Variants in CYP4F22 observed in about 807,000 individuals in gnomAD.
CYP4F22 encodes cytochrome P450 family 4 subfamily F member 22, also known as ultra-long-chain fatty acid omega-hydroxylase.
A neutral mutation model predicts 60.4 loss-of-function variants in CYP4F22; 37 were observed. The observed-to-expected ratio is 0.61, with a 90% CI of 0.47 to 0.81. The LOEUF (loss-of-function observed/expected upper bound fraction) is 0.81, where lower values mean the gene tolerates loss of function less well. Ranked by LOEUF, CYP4F22 falls within the 30% of genes least tolerant of loss-of-function variation. The pLI is 0.00. For synonymous variants in CYP4F22, 258 were observed against 280.5 expected, an observed-to-expected ratio of 0.92 and a Z score of 0.80; for missense variants, 655 against 715.0, an observed-to-expected ratio of 0.92 and a Z score of 0.96.
chr19:15,549,132 C>G lies in CYP4F22; in HGVS notation c.1271-6C>G. On this transcript the variant is annotated splice_region_variant and splice_polypyrimidine_tract_variant and intron_variant, in intron 11 of 13. Coordinates refer to ENST00000269703, the MANE Select transcript of CYP4F22 (RefSeq NM_173483.4). ...TTGGCCCCACTGATCCCATCTTTCC[C>G]CACAGGAATCATCTGCTTGGTCAGC... The G allele has an allele frequency of 6.2e-7, 1 of 1,614,006 alleles. No individual in the cohort carries two copies. The highest frequency in any genetic ancestry group is 1.1e-5 in the South Asian group (1 of 91,082).
chr19:15,527,991 G>C (rs1018135094), intron 3 of CYP4F22, among the ~76,000 whole-genome samples: 1 of 152,204 alleles, frequency 6.6e-6, no homozygotes, highest in African/African-American at 2.4e-5. Flanking sequence ...AGCAGGTGAG[G>C]AAGTGCAGTT....
rs1444678531 is a variant in CYP4F22, at chr19:15,551,901, C to CG, written c.*430_*431insG. The CG allele has an allele frequency of 5.5e-6, 1 of 181,540 alleles. No individual in the cohort carries two copies. The highest frequency in any genetic ancestry group is 2.4e-5 in the African/African-American group (1 of 41,806). The allele number at this position is 181,540 out of a possible 1,614,324, so 11.2% of individuals were successfully genotyped here. A position where few individuals can be genotyped will look rare whatever the true frequency, so the allele number is the denominator to read the frequency against. ...AGGGCCCACCACACCCCACCCCCCC[C>CG]CAACTGGCTGAACCCCTGGCAGGCT... is the stretch of plus-strand genomic sequence containing the variant. On this transcript the variant is annotated 3_prime_UTR_variant, in exon 14 of 14. Transcript: ENST00000269703.
At chr19:15,536,806 C>T (rs1234241166) in intron 4 of CYP4F22, among the ~76,000 whole-genome samples, 1 of 152,144 alleles carries the variant, frequency 6.6e-6, no homozygotes, top group Admixed American at 6.5e-5. Flanking sequence ...GGTTTCAATG[C>T]CAGGCTGAGC....
intron 1 of CYP4F22, among the ~76,000 whole-genome samples, chr19:15,522,630 A>G (rs1483626477): frequency 6.6e-6 from 1 of 152,172 alleles, no homozygotes; most frequent in Non-Finnish European, 1.5e-5. Flanking sequence ...GAGCCGTGAT[A>G]GTACTCTTTA....
chr19:15,538,133 C>A, intron 7 of CYP4F22, 140 bp downstream of exon 7: 1 of 1,169,758 alleles, frequency 8.5e-7, no homozygotes, highest in Non-Finnish European at 1.2e-6. Context: ...TTCCGGGAAA[C>A]TGACCATCTC....
intron 7 of CYP4F22, among the ~76,000 whole-genome samples, 162 bp downstream of exon 7, chr19:15,538,155 C>G (rs1036435013): frequency 2.6e-4 from 39 of 149,216 alleles, no homozygotes; most frequent in African/African-American, 9.1e-4. Flanking sequence ...CTGAGCTTCA[C>G]TTTTTTTTTT....
intron 1 of CYP4F22, among the ~76,000 whole-genome samples, chr19:15,509,966 T>C (rs1006684347): frequency 7.6e-6 from 1 of 130,908 alleles, no homozygotes; most frequent in Non-Finnish European, 1.6e-5. Context: ...CTCTCTCTCT[T>C]TCTTTCTTTC....
intron 1 of CYP4F22, among the ~76,000 whole-genome samples, chr19:15,513,361 A>G (rs1424786600): frequency 8.2e-6 from 1 of 121,286 alleles, no homozygotes; most frequent in Non-Finnish European, 1.6e-5. Context: ...ATATATATAT[A>G]TTTTTTTTTT....
At chr19:15,520,423 T>C (rs1007941764) in intron 1 of CYP4F22, among the ~76,000 whole-genome samples, 2 of 144,790 alleles carry the variant, frequency 1.4e-5, no homozygotes, top group Admixed American at 1.4e-4. Context: ...TGAGACGGAG[T>C]TTTGCTCTTG....
intron 7 of CYP4F22, among the ~76,000 whole-genome samples, chr19:15,538,264 A>G (rs762538547): frequency 7.2e-5 from 11 of 152,162 alleles, no homozygotes; most frequent in Non-Finnish European, 1.5e-4. Context: ...GTAGGTGCTT[A>G]GTAAATGTTA....
At chr19:15,538,125 C>T in intron 7 of CYP4F22, 132 bp downstream of exon 7, 1 of 1,264,766 alleles carries the variant, frequency 7.9e-7, no homozygotes, top group Non-Finnish European at 1.1e-6. Flanking sequence ...CCATGTGCTT[C>T]CGGGAAACTG....
At chr19:15,532,718 C>T (rs73929925) in intron 4 of CYP4F22, among the ~76,000 whole-genome samples, 12 of 152,042 alleles carry the variant, frequency 7.9e-5, no homozygotes, top group Non-Finnish European at 1.6e-4. Context: ...TCTCCTCCCC[C>T]TCAGAGCATC....
chr19:15,529,774 C>G lies in CYP4F22; in HGVS notation c.288C>G (p.Leu96=), dbSNP rs1166258989. The change falls in exon 4 of 14, where the codon CTC becomes CTG. Residue 96 remains leucine (L), a synonymous_variant. Transcript: ENST00000269703. ...KKVLDNMHHV[L]LVWMGPVLPL... ...TACTGGACAACATGCACCATGTACTCTTGGTATGGATGGGACCTGTCCTGC... is the reference window on the plus strand; with the variant it reads ...TACTGGACAACATGCACCATGTACTGTTGGTATGGATGGGACCTGTCCTGC... 2 of 1,614,122 alleles carry G rather than the reference C, an allele frequency of 1.2e-6. No homozygotes were observed. Among genetic ancestry groups the G allele is most frequent in the Non-Finnish European group, 8.5e-7 (1 of 1,180,020 alleles).
intron 1 of CYP4F22, chr19:15,515,453 G>A (rs1224749532): frequency 7.7e-6 from 7 of 903,572 alleles, no homozygotes; most frequent in Non-Finnish European, 1.8e-6. Flanking sequence ...GGCCAGGCAC[G>A]GTGGCTCACG....
intron 1 of CYP4F22, among the ~76,000 whole-genome samples, chr19:15,510,962 A>ATT (rs1386770988): frequency 6.1e-5 from 7 of 114,572 alleles, no homozygotes; most frequent in East Asian, 2.5e-4. Flanking sequence ...ATATATATAT[A>ATT]TATATTTTTT....
At chr19:15,529,168 G>C (rs1008196425) in intron 3 of CYP4F22, among the ~76,000 whole-genome samples, 1 of 147,956 alleles carries the variant, frequency 6.8e-6, no homozygotes, top group Admixed American at 6.8e-5. Flanking sequence ...TGCTCTTGTC[G>C]TCCAGGCTGG....
At chr19:15,544,083 T>G (rs1326627895) in intron 9 of CYP4F22, 46 bp downstream of exon 9, 6 of 1,614,004 alleles carry the variant, frequency 3.7e-6, no homozygotes, top group Non-Finnish European at 5.1e-6. Flanking sequence ...AGGGACATCA[T>G]TGTCTGTAGA....
At chr19:15,538,129 G>A in intron 7 of CYP4F22, 136 bp downstream of exon 7, 1 of 1,220,942 alleles carries the variant, frequency 8.2e-7, no homozygotes, top group Non-Finnish European at 1.2e-6. Flanking sequence ...GTGCTTCCGG[G>A]AAACTGACCA....
intron 3 of CYP4F22, among the ~76,000 whole-genome samples, chr19:15,527,064 G>C (rs566020538): frequency 6.6e-6 from 1 of 152,180 alleles, no homozygotes; most frequent in Admixed American, 6.5e-5. Flanking sequence ...AGATAGGCTG[G>C]ACTTTCCCTT....
Sources: gnomAD v4.1 joint callset for allele counts (sites outside exome capture counted in the v4.1 genomes callset) on GRCh38, gnomAD v4.1.1 for gene constraint, MANE v1.5 for transcripts, NCBI Gene and HGNC (gene_info 2026-07-23, HGNC 2026-07-21) for gene names.